PRKAR1B: variants seen among roughly 807,000 people sequenced by gnomAD.
PRKAR1B encodes cAMP-dependent protein kinase type I-beta regulatory subunit.
Under a neutral mutation model 46.5 loss-of-function variants are expected in PRKAR1B, and 22 were observed. The ratio of observed to expected loss-of-function variants is 0.47; its 90% CI spans 0.34 to 0.68. The LOEUF (loss-of-function observed/expected upper bound fraction) is 0.68. Among genes scored for constraint, PRKAR1B ranks in the 30% least tolerant of loss-of-function variants. The probability of loss-of-function intolerance (pLI) is 0.01; values close to 1 mark genes in which losing one functional copy is unlikely to be tolerated. For missense variants in PRKAR1B, 445 were observed against 535.6 expected, an observed-to-expected ratio of 0.83 and a Z score of 1.67; for synonymous variants, 259 against 217.7, an observed-to-expected ratio of 1.19 and a Z score of -1.67.
intron 4 of PRKAR1B, among the ~76,000 whole-genome samples, chr7:652,486 G>A (rs1284460928): frequency 7.7e-6 from 1 of 130,614 alleles, no homozygotes; most frequent in Non-Finnish European, 1.6e-5. Flanking sequence ...CCTCTCGGAA[G>A]ACAGTTCACA....
chr7:676,337 C>A (rs184333284), intron 4 of PRKAR1B, among the ~76,000 whole-genome samples: 1 of 152,224 alleles, frequency 6.6e-6, no homozygotes, highest in Non-Finnish European at 1.5e-5. Flanking sequence ...CCCCTCACTG[C>A]GACCCTGCAG....
chr7:630,975 CAG>C (rs1207880229), intron 4 of PRKAR1B, among the ~76,000 whole-genome samples: 11 of 145,194 alleles, frequency 7.6e-5, no homozygotes, highest in South Asian at 2.2e-4. Context: ...TTTTTAAAGA[CAG>C]AGTCTTGCTC....
intron 5 of PRKAR1B, among the ~76,000 whole-genome samples, chr7:606,984 T>C (rs1324475952): frequency 6.6e-6 from 1 of 152,014 alleles, no homozygotes; most frequent in Non-Finnish European, 1.5e-5. Context: ...TATATGTGTG[T>C]ATGTATGTAC....
In PRKAR1B at chr7:593,327, G is replaced by C. The variant is rs1409000105; in HGVS notation, c.708+2819C>G. On this transcript the variant is annotated intron_variant, in intron 7 of 10. Coordinates refer to ENST00000537384, the MANE Select transcript of PRKAR1B (RefSeq NM_001164760.2). This position sits in a 1 kb window ranked among gnomAD's most constrained non-coding sequence, Gnocchi z 6.1. Reference sequence around the variant, plus strand: ...CCAGCACGTCCCAGCTCGGGACTAAGGCAGAAACAGGAGCTGTGTGAGGAG... The same window carrying C: ...CCAGCACGTCCCAGCTCGGGACTAACGCAGAAACAGGAGCTGTGTGAGGAG... Among the ~76,000 whole-genome samples, 1 of 152,186 alleles carries C rather than the reference G, an allele frequency of 6.6e-6. No individual in the cohort carries two copies. Among genetic ancestry groups the C allele is most frequent in the Non-Finnish European group, 1.5e-5 (1 of 68,036 alleles).
chr7:600,263 G>A (rs1416496444), intron 6 of PRKAR1B, among the ~76,000 whole-genome samples: 1 of 152,212 alleles, frequency 6.6e-6, no homozygotes, highest in Non-Finnish European at 1.5e-5. Context: ...ACAGCACTTT[G>A]GGAAGCCCAG....
chr7:566,547 C>CTCCACCATCACT (rs1307128883), intron 9 of PRKAR1B, among the ~76,000 whole-genome samples: 128 of 3,452 alleles, frequency 0.037, no homozygotes, highest in Middle Eastern at 0.17. Context: ...CCACCATCAC[C>CTCCACCATCACT]ATCATTGTCA....
rs146249777 is a variant in PRKAR1B at position 601,171 on chromosome 7, A to G, written c.550-4867T>C. 6.4e-3 allele frequency among the ~76,000 whole-genome samples: 969 copies of G among 152,258 alleles called. 12 individuals are homozygous for G. The highest frequency in any genetic ancestry group is 0.022 in the African/African-American group (910 of 41,540). On this transcript the variant is annotated intron_variant, in intron 6 of 10. Coordinates refer to ENST00000537384, the MANE Select transcript of PRKAR1B (RefSeq NM_001164760.2). ...ACTTGGCCAGCGCAGTTAAATACCC[A>G]CGGCAAACGGCCGTCCCTTCCCGCC...
intron 6 of PRKAR1B, among the ~76,000 whole-genome samples, chr7:599,432 G>A (rs961934593): frequency 6.6e-6 from 1 of 152,034 alleles, no homozygotes; most frequent in Non-Finnish European, 1.5e-5. Context: ...CGGATTACAG[G>A]CAACTGCCAC....
chr7:650,417 C>G (rs539216515), intron 4 of PRKAR1B, among the ~76,000 whole-genome samples: 102 of 152,078 alleles, frequency 6.7e-4, no homozygotes, highest in Non-Finnish European at 1.3e-3. Flanking sequence ...GTTCCAACCA[C>G]GAAAGGCTCT....
chr7:549,950 C>T lies in PRKAR1B; in HGVS notation c.*480G>A. ...GCGGGAGGGGCCTTGACTTCTTCGG[C>T]CTCAACTCCCTGCTCTCAGCCTCAT... is the stretch of plus-strand genomic sequence containing the variant. On this transcript the variant is annotated 3_prime_UTR_variant, in exon 11 of 11. Coordinates refer to ENST00000537384, the MANE Select transcript of PRKAR1B (RefSeq NM_001164760.2). The T allele has an allele frequency of 6.2e-6, 1 of 162,140 alleles. No individual in the cohort carries two copies. The highest frequency in any genetic ancestry group is 1.4e-5 in the Non-Finnish European group (1 of 73,734). The allele number at this position is 162,140 out of a possible 1,614,324, so 10.0% of individuals were successfully genotyped here.
chr7:676,887 G>A (rs182253081), intron 4 of PRKAR1B, among the ~76,000 whole-genome samples: 1,648 of 151,006 alleles, frequency 0.011, 13 homozygotes, highest in East Asian at 0.052. Flanking sequence ...CCCACCTCCC[G>A]GAGGGCAAGG....
At position 714,160 on chromosome 7, in the gene PRKAR1B, C is replaced by T. The variant is rs1005579649; in HGVS notation, c.-22-2633G>A. On this transcript the variant is annotated intron_variant, in intron 1 of 10. Transcript: ENST00000537384. The surrounding 1 kb of genome is among the most constrained non-coding windows in gnomAD (Gnocchi z 4.3). Reference sequence around the variant, plus strand: ...GACAGCAAAAAAGACCCAGGTGCCACCTAACCAAGGCGACGTCTCGCTTCG... The same window carrying T: ...GACAGCAAAAAAGACCCAGGTGCCATCTAACCAAGGCGACGTCTCGCTTCG... Among the ~76,000 whole-genome samples the T allele has an allele frequency of 6.6e-6, 1 of 152,194 alleles. No homozygotes were observed. Among genetic ancestry groups the T allele is most frequent in the Non-Finnish European group, 1.5e-5 (1 of 68,034 alleles).
intron 7 of PRKAR1B, among the ~76,000 whole-genome samples, chr7:588,398 G>A (rs1202096317): frequency 6.6e-6 from 1 of 152,276 alleles, no homozygotes; most frequent in African/African-American, 2.4e-5. Flanking sequence ...ATGTTATGTT[G>A]CTGCTAATGG....
chr7:628,337 C>A (rs1035359167), intron 4 of PRKAR1B, among the ~76,000 whole-genome samples: 3 of 152,232 alleles, frequency 2.0e-5, no homozygotes, highest in African/African-American at 7.2e-5. Context: ...AAGGCGAAGG[C>A]GGGCACGAGG....
intron 4 of PRKAR1B, among the ~76,000 whole-genome samples, chr7:615,825 C>CAAA (rs71016887): frequency 1.6e-4 from 15 of 94,408 alleles, no homozygotes; most frequent in Admixed American, 2.4e-4. Context: ...AAGACTCCAT[C>CAAA]AAAAAAAAAA....
chr7:584,359 C>T (rs771037587), intron 8 of PRKAR1B, 149 bp downstream of exon 8: 1 of 656,440 alleles, frequency 1.5e-6, no homozygotes, highest in Non-Finnish European at 2.7e-6. Context: ...CGTGTCTGTG[C>T]GTGAGCATGC....
intron 1 of PRKAR1B, among the ~76,000 whole-genome samples, chr7:717,297 G>C (rs964481952): frequency 6.8e-6 from 1 of 148,120 alleles, no homozygotes; most frequent in Admixed American, 6.7e-5. Context: ...CTCAAAAAAA[G>C]AAAGAAAGAA....
chr7:694,899 G>C (rs1779642482), intron 2 of PRKAR1B, among the ~76,000 whole-genome samples: 2 of 152,066 alleles, frequency 1.3e-5, no homozygotes, highest in South Asian at 4.2e-4. Flanking sequence ...AGCCAGGCGT[G>C]GTGGTGGGCA....
chr7:574,074 T>C (rs981979000), intron 9 of PRKAR1B, among the ~76,000 whole-genome samples: 3 of 152,202 alleles, frequency 2.0e-5, no homozygotes, highest in African/African-American at 7.2e-5. Context: ...CTTGATCTGC[T>C]CTCTGTGAAG....
Sources: allele counts gnomAD v4.1 joint callset (sites outside exome capture counted in the v4.1 genomes callset), GRCh38; gene constraint gnomAD v4.1.1; non-coding constraint Gnocchi (gnomAD v3.1); transcripts MANE v1.5; gene names NCBI Gene and HGNC (gene_info 2026-07-23, HGNC 2026-07-21).